The following NVL variants were observed in gnomAD, a reference collection of about 807,000 sequenced individuals.
The protein encoded by NVL is nuclear VCP like.
In NVL, 84 loss-of-function variants were observed where a neutral mutation model predicts 110.2. The observed-to-expected ratio is 0.76, with a 90% CI of 0.64 to 0.91. The LOEUF (loss-of-function observed/expected upper bound fraction) is 0.91. NVL is among the 40% of genes least tolerant of loss of function. The pLI is 0.00. For missense variants in NVL, 882 were observed against 1,035.9 expected, an observed-to-expected ratio of 0.85 and a Z score of 2.04; for synonymous variants, 354 against 361.1, an observed-to-expected ratio of 0.98 and a Z score of 0.22.
At chr1:224,289,860 A>T in intron 12 of NVL, 127 bp from the exon 13 acceptor site, 1 of 798,690 alleles carries the variant, frequency 1.3e-6, no homozygotes, top group Non-Finnish European at 1.9e-6. Context: ...TATAAGATCA[A>T]ATAGTTCAGT....
intron 19 of NVL, among the ~76,000 whole-genome samples, chr1:224,244,378 A>T (rs1350865995): frequency 2.0e-5 from 3 of 152,034 alleles, no homozygotes; most frequent in African/African-American, 4.8e-5. Flanking sequence ...AAAAAAAAAA[A>T]TTTCTACTTC....
At chr1:224,322,486 A>G (rs532941944) in intron 2 of NVL, among the ~76,000 whole-genome samples, 2 of 152,248 alleles carry the variant, frequency 1.3e-5, no homozygotes, top group South Asian at 4.1e-4. Context: ...TTTCTGTCTT[A>G]GTTTCTCTTC....
chr1:224,237,024 T>C (rs953590558), intron 19 of NVL, among the ~76,000 whole-genome samples: 1 of 152,220 alleles, frequency 6.6e-6, no homozygotes, highest in Non-Finnish European at 1.5e-5. Context: ...AATTTCAATG[T>C]TGAGAAATGA....
intron 5 of NVL, 62 bp from the exon 6 acceptor site, chr1:224,308,325 T>G: frequency 7.0e-7 from 1 of 1,434,936 alleles, no homozygotes; most frequent in African/African-American, 1.4e-5. Flanking sequence ...ATAAAAGTTG[T>G]ATTGCCTATA....
At chr1:224,263,993 C>A (rs977435610) in intron 18 of NVL, among the ~76,000 whole-genome samples, 8 of 152,008 alleles carry the variant, frequency 5.3e-5, no homozygotes, top group Admixed American at 4.6e-4. Flanking sequence ...CCAGTCTGGG[C>A]GACAGAGCAA....
chr1:224,313,442 G>C (rs567107186), intron 4 of NVL, among the ~76,000 whole-genome samples: 1 of 152,050 alleles, frequency 6.6e-6, no homozygotes, highest in African/African-American at 2.4e-5. Context: ...AAAGGAAAAA[G>C]ACTGATAGAT....
chr1:224,299,114 C>T (rs573471907), intron 10 of NVL, among the ~76,000 whole-genome samples: 2 of 152,148 alleles, frequency 1.3e-5, no homozygotes, highest in African/African-American at 4.8e-5. Context: ...ACCATGGGAA[C>T]AACCACATCT....
intron 2 of NVL, among the ~76,000 whole-genome samples, chr1:224,322,298 G>T (rs1193026835): frequency 6.9e-6 from 1 of 144,100 alleles, no homozygotes; most frequent in Non-Finnish European, 1.5e-5. Context: ...TGCCCAGTCT[G>T]GTCTCAAACT....
intron 17 of NVL, among the ~76,000 whole-genome samples, chr1:224,272,978 G>A (rs1488778674): frequency 7.0e-6 from 1 of 143,596 alleles, no homozygotes; most frequent in African/African-American, 2.6e-5. Context: ...AGCTTGCAGT[G>A]AGCCGAGATC....
chr1:224,306,346 A>C lies in NVL; in HGVS notation c.616-1180T>G, dbSNP rs567519933. 1.2e-4 allele frequency among the ~76,000 whole-genome samples: 19 copies of C among 152,092 alleles called. No individual in the cohort carries two copies. The South Asian group carries it at 4.0e-3, about 32-fold the overall frequency. On this transcript the variant is annotated intron_variant, in intron 6 of 22. Transcript: ENST00000281701. ...CAGTGGCACGATCTCAGCGCACTGC[A>C]AGCTCCGCCTGCCGGGTTCACGTCA... is the stretch of plus-strand genomic sequence containing the variant.
chr1:224,260,042 A>G (rs140015016), intron 18 of NVL, among the ~76,000 whole-genome samples: 34 of 152,278 alleles, frequency 2.2e-4, no homozygotes, highest in African/African-American at 7.7e-4. Context: ...GGCTGGGCAT[A>G]ACCTAATTTT....
At position 224,304,783 on chromosome 1, in the gene NVL, A is replaced by T. The variant is rs1367358147; in HGVS notation, c.778T>A (p.Ser260Thr). The T allele has an allele frequency of 1.9e-6, 3 of 1,614,128 alleles. No homozygotes were observed. Among genetic ancestry groups the T allele is most frequent in the South Asian group, 1.1e-5 (1 of 91,076 alleles). Residue 260 changes from serine (S) to threonine (T), a missense_variant, in exon 8 of 23, where the codon TCC becomes ACC. Transcript: ENST00000281701. ...AKARGLEFQI[S>T]NVKFEDVGGN... Reference sequence around the variant, plus strand: ...CCCACATCTTCAAACTTCACGTTGGAGATCTGGAATTCTAACCCCCTGGCT... The same window carrying T: ...CCCACATCTTCAAACTTCACGTTGGTGATCTGGAATTCTAACCCCCTGGCT...
rs376797399 is a variant in NVL at position 224,275,343 on chromosome 1, C to A, written c.2078G>T (p.Arg693Leu). ...CCACTAGTCCATGATACTTACCTCT[C>A]GGTCTGATCTTCGAGGACATAAAGC... ...VDALCPRRSD[R>L]ETGASVRVVN... The change falls in exon 17 of 23, where the codon CGA (arginine) becomes CTA (leucine). Residue 693 changes from arginine to leucine, a missense_variant. By Grantham distance (102) the Arg-to-Leu change is moderately radical. Transcript: ENST00000281701. The A allele has an allele frequency of 1.9e-6, 3 of 1,613,998 alleles. No individual in the cohort carries two copies. The African/African-American group carries it at 4.0e-5, about 22-fold the overall frequency.
rs1436515319 is a variant in NVL at position 224,269,306 on chromosome 1, G to A, written c.2083-1173C>T. ...TTGCTATATTGCCCAGGCTAGTCTC[G>A]AACCCCTGAGCTCAACCAATCCTCC... On this transcript the variant is annotated intron_variant, in intron 17 of 22. Coordinates refer to ENST00000281701, the MANE Select transcript of NVL (RefSeq NM_002533.4). Among the ~76,000 whole-genome samples the A allele has an allele frequency of 4.6e-5, 7 of 150,726 alleles. No individual in the cohort carries two copies. The South Asian group carries it at 6.3e-4, about 14-fold the overall frequency.
At chr1:224,228,895 C>T (rs1389234537) in intron 22 of NVL, among the ~76,000 whole-genome samples, 1 of 129,874 alleles carries the variant, frequency 7.7e-6, no homozygotes, top group Non-Finnish European at 1.6e-5. Context: ...GCCGAGATCG[C>T]GCCATTGCGA....
intron 12 of NVL, among the ~76,000 whole-genome samples, chr1:224,292,899 C>T (rs1338755613): frequency 1.3e-5 from 2 of 151,874 alleles, no homozygotes; most frequent in African/African-American, 4.8e-5. Flanking sequence ...TACAGGCATG[C>T]ACCATCACGC....
At chr1:224,237,595 C>A (rs1660628358) in intron 19 of NVL, among the ~76,000 whole-genome samples, 1 of 152,076 alleles carries the variant, frequency 6.6e-6, no homozygotes, top group Non-Finnish European at 1.5e-5. Flanking sequence ...GCTTTTTCTT[C>A]CCTCCAGGGT....
Position 224,227,376 on chromosome 1 carries a change from G to GT in NVL, c.*249dup, listed in dbSNP as rs1659305197. On this transcript the variant is annotated 3_prime_UTR_variant, in exon 23 of 23. Transcript: ENST00000281701. ...AAAGTAAAAGTTTTATTTGAAAAAT[G>GT]TAACAGTCATTTTATTTCAGCAGTT... 1 of 305,356 alleles carries GT rather than the reference G, an allele frequency of 3.3e-6. No homozygotes were observed. Among genetic ancestry groups the GT allele is most frequent in the Non-Finnish European group, 6.1e-6 (1 of 162,626 alleles). The allele number at this position is 305,356 out of a possible 1,614,324, so 18.9% of individuals were successfully genotyped here. A position where few individuals can be genotyped will look rare whatever the true frequency, so the allele number is the denominator to read the frequency against.
At chr1:224,304,241 A>G (rs1216031941) in intron 8 of NVL, among the ~76,000 whole-genome samples, 4 of 152,156 alleles carry the variant, frequency 2.6e-5, no homozygotes, top group African/African-American at 9.7e-5. Flanking sequence ...CCTGGCCAAC[A>G]TGGTGAAGCC....
Sources: gnomAD v4.1 joint callset for allele counts (sites outside exome capture counted in the v4.1 genomes callset) on GRCh38, gnomAD v4.1.1 for gene constraint, MANE v1.5 for transcripts, NCBI Gene and HGNC (gene_info 2026-07-23, HGNC 2026-07-21) for gene names.